The following MYO7A variants were observed in gnomAD, a reference collection of about 807,000 sequenced individuals.
The protein encoded by MYO7A is myosin VIIA, also known as unconventional myosin-VIIa.
MYO7A carries 210 observed loss-of-function variants against 263.8 expected under a neutral mutation model. The ratio of observed to expected loss-of-function variants is 0.80; its 90% CI spans 0.71 to 0.89. The LOEUF is 0.89. Ranked by LOEUF, MYO7A falls within the 40% of genes least tolerant of loss-of-function variation. MYO7A has a pLI of 0.00. For synonymous variants in MYO7A, 1,239 were observed against 1,197.3 expected (o/e 1.03, Z -0.72); for missense variants, 2,820 against 2,968.3 (o/e 0.95, Z 1.16).
At chr11:77,198,374 C>T (rs1170332523) in intron 33 of MYO7A, 121 bp from the exon 34 acceptor site, 2 of 1,320,770 alleles carry the variant, frequency 1.5e-6, no homozygotes, top group African/African-American at 2.9e-5. Context: ...CTCTGAGCCT[C>T]AGTTTCCATA....
chr11:77,191,726 C>T lies in MYO7A; in HGVS notation c.3925-325C>T, dbSNP rs949016657. 1.8e-4 allele frequency among the ~76,000 whole-genome samples: 28 copies of T among 152,216 alleles called. 1 individual carries two copies. Among genetic ancestry groups the T allele is most frequent in the Non-Finnish European group, 2.9e-5 (2 of 68,028 alleles). ...CCGCCCACAAGCCCAGGGGAGGTACCGTGTTGCTGGACACAGTTTGCCTGG... is the reference window on the plus strand; with the variant it reads ...CCGCCCACAAGCCCAGGGGAGGTACTGTGTTGCTGGACACAGTTTGCCTGG... On this transcript the variant is annotated intron_variant, in intron 30 of 48. Transcript: ENST00000409709.
rs762258869 is a variant in MYO7A at position 77,211,192 on chromosome 11, G to C, written c.6092G>C (p.Arg2031Pro). The part of the protein sequence containing the change: ...KYLRGYHKCT[R>P]EEVLQLGALI... ...CTCCGAGGCTACCACAAGTGCACGC[G>C]GGAGGAGGTGCTGCAGCTGGGGGCG... is the stretch of plus-strand genomic sequence containing the variant. The change falls in exon 45 of 49, where the codon CGG becomes CCG. Residue 2031 changes from arginine (R) to proline (P), a missense_variant. By Grantham distance (103) the Arg-to-Pro change is moderately radical. Coordinates refer to ENST00000409709, the MANE Select transcript of MYO7A (RefSeq NM_000260.4). The C allele has an allele frequency of 6.3e-7, 1 of 1,593,102 alleles. No homozygotes were observed. Among genetic ancestry groups the C allele is most frequent in the Admixed American group, 1.7e-5 (1 of 57,202 alleles).
At chr11:77,194,296 G>T in intron 31 of MYO7A, 58 bp from the exon 32 acceptor site, 1 of 1,565,306 alleles carries the variant, frequency 6.4e-7, no homozygotes, top group Non-Finnish European at 8.7e-7. Flanking sequence ...TTGGTGGTGT[G>T]GAAGGGCTTC....
At chr11:77,161,441 C>T (rs1348705807) in intron 12 of MYO7A, among the ~76,000 whole-genome samples, 2 of 152,226 alleles carry the variant, frequency 1.3e-5, no homozygotes, top group Admixed American at 6.5e-5. Flanking sequence ...GGAGGCCAGG[C>T]CTGTGCCACG....
At chr11:77,207,091 G>A in intron 41 of MYO7A, 198 bp from the exon 42 acceptor site, 1 of 502,418 alleles carries the variant, frequency 2.0e-6, no homozygotes, top group South Asian at 3.0e-5. Flanking sequence ...TGCTTGGAGA[G>A]TCGGGAGGAG....
rs1381858764 is a variant in MYO7A, at chr11:77,190,856, G to A, written c.3910G>A (p.Ala1304Thr). ...KDRFGFSLYIALFDKVSSLGS... is the reference protein window; with the variant it reads ...KDRFGFSLYITLFDKVSSLGS... ...CCGGTTCGGGTTCTCCCTCTACATTGCCCTGTTTGACAAGGTATGGCCGCC... is the reference window on the plus strand; with the variant it reads ...CCGGTTCGGGTTCTCCCTCTACATTACCCTGTTTGACAAGGTATGGCCGCC... Residue 1304 changes from alanine (A) to threonine (T), a missense_variant, in exon 30 of 49, where the codon GCC (alanine) becomes ACC (threonine). Physicochemically the swap from Ala to Thr is moderately conservative, Grantham distance 58. Transcript: ENST00000409709. 3.2e-6 allele frequency: 5 copies of A among 1,572,760 alleles called. No individual in the cohort carries two copies. Among genetic ancestry groups the A allele is most frequent in the Non-Finnish European group, 4.3e-6 (5 of 1,156,690 alleles).
intron 16 of MYO7A, among the ~76,000 whole-genome samples, chr11:77,174,033 C>G (rs10899355): frequency 0.54 from 81,521 of 151,700 alleles, 23,073 homozygotes; most frequent in African/African-American, 0.71. Flanking sequence ...TGTCCTGCCT[C>G]CCCTGGCCCC....
chr11:77,181,337 C>T (rs191563463), intron 22 of MYO7A, 43 bp from the exon 23 acceptor site: 13 of 1,511,854 alleles, frequency 8.6e-6, no homozygotes, highest in South Asian at 3.7e-5. Flanking sequence ...GCTGTGGCAC[C>T]GGGGGCTGAC....
chr11:77,163,803 T>C (rs1402097794), intron 14 of MYO7A, among the ~76,000 whole-genome samples: 2 of 142,966 alleles, frequency 1.4e-5, no homozygotes, highest in African/African-American at 5.3e-5. Flanking sequence ...GATAAACCTT[T>C]TGTTTATCCA....
intron 9 of MYO7A, among the ~76,000 whole-genome samples, chr11:77,158,772 G>A (rs1952724287): frequency 1.3e-5 from 2 of 152,224 alleles, no homozygotes; most frequent in South Asian, 2.1e-4. Flanking sequence ...TTCACTCTAA[G>A]GTGTGAGTGA....
At chr11:77,160,303 C>G in intron 11 of MYO7A, 21 bp downstream of exon 11, 1 of 1,547,868 alleles carries the variant, frequency 6.5e-7, no homozygotes, top group Non-Finnish European at 8.7e-7. Context: ...GGGAAGGGGC[C>G]GCTTGCTCGC....
Position 77,212,815 on chromosome 11 carries a change from C to T in MYO7A, c.6355-137C>T, listed in dbSNP as rs1037602507. On this transcript the variant is annotated intron_variant, in intron 46 of 48. Transcript: ENST00000409709. Reference sequence around the variant, plus strand: ...CCCAGCGGAGGTGGAAGCCATAGGTCATGGCAGGGCCGTCAGTACCACATA... The same window carrying T: ...CCCAGCGGAGGTGGAAGCCATAGGTTATGGCAGGGCCGTCAGTACCACATA... 6 of 730,528 alleles carry T rather than the reference C, an allele frequency of 8.2e-6. No individual in the cohort carries two copies. In the East Asian group the frequency reaches 1.1e-4, roughly 13 times the overall value. The allele number at this position is 730,528 out of a possible 1,614,324, so 45.3% of individuals were successfully genotyped here. A position where few individuals can be genotyped will look rare whatever the true frequency, so the allele number is the denominator to read the frequency against.
intron 32 of MYO7A, among the ~76,000 whole-genome samples, chr11:77,196,964 G>A (rs541392937): frequency 6.6e-6 from 1 of 152,272 alleles, no homozygotes; most frequent in African/African-American, 2.4e-5. Flanking sequence ...CTCACCTCCA[G>A]GCTCCAGTTC....
chr11:77,179,575 C>T (rs925705522), intron 20 of MYO7A, among the ~76,000 whole-genome samples, 160 bp from the exon 21 acceptor site: 4 of 152,232 alleles, frequency 2.6e-5, no homozygotes, highest in Non-Finnish European at 5.9e-5. Context: ...GGAAACAGAA[C>T]TTTCTAACGA....
chr11:77,174,856 T>C lies in MYO7A; in HGVS notation c.2036T>C (p.Val679Ala), dbSNP rs183439926. Reference sequence around the variant, plus strand: ...GGCTACCCCATCCGCTACAGCTTCGTAGAGTTTGTGGAGCGGTACCGTGTG... The same window carrying C: ...GGCTACCCCATCCGCTACAGCTTCGCAGAGTTTGTGGAGCGGTACCGTGTG... ...RAGYPIRYSFVEFVERYRVLL... is the reference protein window; with the variant it reads ...RAGYPIRYSFAEFVERYRVLL... Residue 679 changes from valine to alanine, a missense_variant, in exon 17 of 49, where the codon GTA (valine) becomes GCA (alanine). Transcript: ENST00000409709. 6.8e-6 allele frequency: 11 copies of C among 1,613,600 alleles called. No homozygotes were observed. In the Admixed American group the frequency reaches 1.8e-4, roughly 27 times the overall value.
At chr11:77,202,705 G>A (rs1049283762) in intron 37 of MYO7A, among the ~76,000 whole-genome samples, 2 of 151,826 alleles carry the variant, frequency 1.3e-5, no homozygotes, top group Admixed American at 6.6e-5. Flanking sequence ...GCTGGGATTC[G>A]GCGTGCCCAG....
chr11:77,180,075 C>A, intron 21 of MYO7A, 122 bp downstream of exon 21: 1 of 1,055,002 alleles, frequency 9.5e-7, no homozygotes, highest in South Asian at 1.6e-5. Flanking sequence ...TATGCCTGCT[C>A]TGAGGAGTGC....
At chr11:77,189,272 G>A in intron 27 of MYO7A, 72 bp from the exon 28 acceptor site, 1 of 1,591,520 alleles carries the variant, frequency 6.3e-7, no homozygotes. Flanking sequence ...CCCACTGGCT[G>A]CTAGGAGGAG....
intron 4 of MYO7A, 71 bp from the exon 5 acceptor site, chr11:77,155,836 G>A (rs1322677990): frequency 6.8e-7 from 1 of 1,466,870 alleles, no homozygotes; most frequent in Non-Finnish European, 9.1e-7. Context: ...GCAGGGCAGA[G>A]CCCAAGAGCT....
Sources: allele counts gnomAD v4.1 joint callset (sites outside exome capture counted in the v4.1 genomes callset), GRCh38; gene constraint gnomAD v4.1.1; transcripts MANE v1.5; gene names NCBI Gene and HGNC (gene_info 2026-07-23, HGNC 2026-07-21).